CCDC170: variants seen among roughly 807,000 people sequenced by gnomAD.
CCDC170 encodes the protein coiled-coil domain-containing protein 170.
A neutral mutation model predicts 72.6 loss-of-function variants in CCDC170; 69 were observed. The ratio of observed to expected loss-of-function variants is 0.95; its 90% CI spans 0.78 to 1.16. The LOEUF is 1.16. Among genes scored for constraint, CCDC170 ranks in the 50% most tolerant of loss-of-function variants. The probability of loss-of-function intolerance (pLI) is 0.00; values close to 1 mark genes in which losing one functional copy is unlikely to be tolerated. For missense variants in CCDC170, 852 were observed against 832.5 expected (o/e 1.02, Z -0.29); for synonymous variants, 300 against 303.9 (o/e 0.99, Z 0.13).
intron 9 of CCDC170, among the ~76,000 whole-genome samples, chr6:151,604,247 A>G (rs964436346): frequency 1.3e-5 from 2 of 152,138 alleles, no homozygotes; most frequent in Non-Finnish European, 2.9e-5. Flanking sequence ...CCCAACGAGT[A>G]TAGCCTTTCT....
intron 5 of CCDC170, among the ~76,000 whole-genome samples, chr6:151,569,871 A>G (rs1315679707): frequency 6.6e-6 from 1 of 152,136 alleles, no homozygotes; most frequent in Non-Finnish European, 1.5e-5. Context: ...TATACAAGAA[A>G]CAGCTTAGGG....
chr6:151,502,533 A>AG (rs1174836993), intron 1 of CCDC170, among the ~76,000 whole-genome samples: 1 of 152,228 alleles, frequency 6.6e-6, no homozygotes, highest in African/African-American at 2.4e-5. Context: ...CTGTGCAAGA[A>AG]GGAACAATTT....
intron 1 of CCDC170, among the ~76,000 whole-genome samples, chr6:151,506,574 C>T (rs545967426): frequency 6.6e-6 from 1 of 152,332 alleles, no homozygotes; most frequent in South Asian, 2.1e-4. Context: ...CAGTTTATTC[C>T]TTCTCCAATC....
chr6:151,600,659 A>G (rs1776692454), intron 9 of CCDC170, among the ~76,000 whole-genome samples: 1 of 152,152 alleles, frequency 6.6e-6, no homozygotes, highest in African/African-American at 2.4e-5. Context: ...TATTAAATTA[A>G]CAATTTTACC....
chr6:151,585,845 C>A, intron 6 of CCDC170, 44 bp from the exon 7 acceptor site: 1 of 1,574,898 alleles, frequency 6.3e-7, no homozygotes, highest in South Asian at 1.1e-5. Context: ...CACTTCCTTG[C>A]ATCTGAAACA....
intron 5 of CCDC170, among the ~76,000 whole-genome samples, chr6:151,549,827 A>G (rs1050760374): frequency 1.3e-5 from 2 of 152,184 alleles, no homozygotes; most frequent in Non-Finnish European, 2.9e-5. Context: ...TCTGCACACT[A>G]TATGTTTCTC....
rs557447279 is a variant in CCDC170, at chr6:151,553,687, A to ACATT, written c.774+5201_774+5204dup. 4.6e-5 allele frequency among the ~76,000 whole-genome samples: 7 copies of ACATT among 152,272 alleles called. No homozygotes were observed. The South Asian group carries it at 8.3e-4, about 18-fold the overall frequency. On this transcript the variant is annotated intron_variant, in intron 5 of 10. Coordinates refer to ENST00000239374, the MANE Select transcript of CCDC170 (RefSeq NM_025059.4). ...GCAATGTTGTTCAGACTTTGGAAAC[A>ACATT]CATTCACTTTGGGATGAAGTTCCTG... is the stretch of plus-strand genomic sequence containing the variant.
chr6:151,580,030 T>C (rs1403007585), intron 6 of CCDC170, among the ~76,000 whole-genome samples: 1 of 152,184 alleles, frequency 6.6e-6, no homozygotes, highest in African/African-American at 2.4e-5. Context: ...GATGCTTACA[T>C]CTTCCTTTAG....
chr6:151,494,211 G>T, intron 1 of CCDC170, 26 bp downstream of exon 1: 1 of 1,494,680 alleles, frequency 6.7e-7, no homozygotes. Context: ...CCGGCCGCGC[G>T]CGGGGGTGGC....
chr6:151,544,658 A>G lies in CCDC170; in HGVS notation c.530A>G (p.Asp177Gly). 1 of 1,613,710 alleles carries G rather than the reference A, an allele frequency of 6.2e-7. No individual in the cohort carries two copies. Among genetic ancestry groups the G allele is most frequent in the Non-Finnish European group, 8.5e-7 (1 of 1,179,648 alleles). Residue 177 changes from aspartate (D) to glycine (G), a missense_variant, in exon 4 of 11, where the codon GAC becomes GGC. Coordinates refer to ENST00000239374, the MANE Select transcript of CCDC170 (RefSeq NM_025059.4). ...GAGGAATTTCTGACTCAACTGCGTG[A>G]CTGCTTGGATCCAGATGAGAGGAAT... The part of the protein sequence containing the change: ...KHEEFLTQLR[D>G]CLDPDERNDK...
rs570297868 is a variant in CCDC170, at chr6:151,534,653, C to G, written c.58-1665C>G. On this transcript the variant is annotated intron_variant, in intron 1 of 10. Transcript: ENST00000239374. ...CTTTTTCCCCAGAGTACATATCTAC[C>G]ATTTTCTTGGTTGTGCTATGATTGG... Among the ~76,000 whole-genome samples the G allele has an allele frequency of 2.0e-3, 305 of 152,226 alleles. 3 individuals carry two copies. Among genetic ancestry groups the G allele is most frequent in the African/African-American group, 7.1e-3 (296 of 41,538 alleles).
chr6:151,499,701 G>A (rs1781965597), intron 1 of CCDC170, among the ~76,000 whole-genome samples: 1 of 150,798 alleles, frequency 6.6e-6, no homozygotes, highest in Admixed American at 6.6e-5. Flanking sequence ...GACTGTATTT[G>A]TCCTTCAATG....
At position 151,618,374 on chromosome 6, in the gene CCDC170, G is replaced by A. The variant is rs1777003922; in HGVS notation, c.*227G>A. On this transcript the variant is annotated 3_prime_UTR_variant, in exon 11 of 11. Transcript: ENST00000239374. ...TTTACTAGCATTTTAGGATCCAGAA[G>A]AATTCCACCAGATTGCATGAGTTAG... is the stretch of plus-strand genomic sequence containing the variant. 3.9e-6 allele frequency: 2 copies of A among 518,516 alleles called. No homozygotes were observed. Among genetic ancestry groups the A allele is most frequent in the Non-Finnish European group, 6.8e-6 (2 of 292,548 alleles). The allele number at this position is 518,516 out of a possible 1,614,324, so 32.1% of individuals were successfully genotyped here.
At chr6:151,578,998 A>G (rs17081447) in intron 6 of CCDC170, among the ~76,000 whole-genome samples, 4,028 of 152,160 alleles carry the variant, frequency 0.026, 171 homozygotes, top group African/African-American at 0.092. Context: ...TCTAAAAACC[A>G]TGCAGCTTAT....
chr6:151,560,022 G>A (rs1275334162), intron 5 of CCDC170, among the ~76,000 whole-genome samples: 2 of 151,964 alleles, frequency 1.3e-5, no homozygotes, highest in African/African-American at 4.8e-5. Context: ...AGTTCCATTA[G>A]GTGTGATGTT....
At chr6:151,542,057 T>TTAC (rs1457563096) in intron 3 of CCDC170, among the ~76,000 whole-genome samples, 1 of 151,480 alleles carries the variant, frequency 6.6e-6, no homozygotes, top group Non-Finnish European at 1.5e-5. Flanking sequence ...TTTTTGTAGT[T>TTAC]TTAGTAGAGA....
intron 5 of CCDC170, among the ~76,000 whole-genome samples, chr6:151,559,453 G>A (rs1357867148): frequency 1.3e-5 from 2 of 152,056 alleles, no homozygotes; most frequent in Non-Finnish European, 2.9e-5. Context: ...ATTATTTTAT[G>A]TTTTTGTTGG....
At chr6:151,513,138 G>A (rs755035289) in intron 1 of CCDC170, among the ~76,000 whole-genome samples, 3 of 152,172 alleles carry the variant, frequency 2.0e-5, no homozygotes, top group Non-Finnish European at 2.9e-5. Context: ...CGGGAGAGTA[G>A]TCAACTTAAA....
intron 1 of CCDC170, among the ~76,000 whole-genome samples, chr6:151,517,110 T>C (rs7759516): frequency 0.31 from 46,378 of 151,986 alleles, 8,464 homozygotes; most frequent in African/African-American, 0.51. Flanking sequence ...CCTAGGTGGA[T>C]GGATACCTGA....
Sources: gnomAD v4.1 joint callset for allele counts (sites outside exome capture counted in the v4.1 genomes callset) on GRCh38, gnomAD v4.1.1 for gene constraint, MANE v1.5 for transcripts, NCBI Gene and HGNC (gene_info 2026-07-23, HGNC 2026-07-21) for gene names.